Variants in OR52N2 observed in about 807,000 individuals in gnomAD.
The protein encoded by OR52N2 is olfactory receptor family 52 subfamily N member 2, also known as olfactory receptor 52N2.
For synonymous variants in OR52N2, 129 were observed against 72.0 expected (o/e 1.79, Z -4.01); for missense variants, 326 against 196.6 (o/e 1.66, Z -3.94).
At chr11:5,811,446 T>C (rs1452847162) in intron 1 of OR52N2, among the ~76,000 whole-genome samples, 2 of 150,752 alleles carry the variant, frequency 1.3e-5, no homozygotes, top group African/African-American at 4.9e-5. Context: ...TCAGGGAGAG[T>C]TGAGTAGAAG....
At chr11:5,820,255 C>A (rs1248858999) in intron 1 of OR52N2, 27 bp from the exon 2 acceptor site, 1 of 724,564 alleles carries the variant, frequency 1.4e-6, no homozygotes, top group Non-Finnish European at 2.5e-6. Flanking sequence ...CTTATCTCGT[C>A]TCTAACTCTC....
chr11:5,818,672 T>C (rs1846423268), intron 1 of OR52N2, among the ~76,000 whole-genome samples: 1 of 152,162 alleles, frequency 6.6e-6, no homozygotes, highest in Admixed American at 6.5e-5. Context: ...TGTTTTTTAC[T>C]TTCTCTTTCA....
At chr11:5,815,638 T>C (rs931902626) in intron 1 of OR52N2, among the ~76,000 whole-genome samples, 2 of 150,028 alleles carry the variant, frequency 1.3e-5, no homozygotes, top group African/African-American at 5.1e-5. Flanking sequence ...AAATGTAAAA[T>C]GCTACAGCTG....
chr11:5,814,884 A>G (rs1263618979), intron 1 of OR52N2, among the ~76,000 whole-genome samples: 1 of 152,200 alleles, frequency 6.6e-6, no homozygotes, highest in Non-Finnish European at 1.5e-5. Context: ...CTGCAGACCA[A>G]TGAAGTAGAA....
rs140716674 is a variant in OR52N2, at chr11:5,821,220, T to C, written c.885T>C (p.Tyr295=). Residue 295 remains tyrosine, a synonymous_variant, in exon 2 of 2, where the codon TAT becomes TAC. Transcript: ENST00000317037. ...CTCCTACCATGAACCCAATTGTTTA[T>C]GGAGTCAAGACCAAGCAGATTCAGG... ...LLPPTMNPIV[Y]GVKTKQIQEG... 10 of 781,032 alleles carry C rather than the reference T, an allele frequency of 1.3e-5. No homozygotes were observed. The highest frequency in any genetic ancestry group is 1.2e-4 in the African/African-American group (7 of 59,252). The allele number at this position is 781,032 out of a possible 1,614,324, so 48.4% of individuals were successfully genotyped here.
rs1232679968 is a variant in OR52N2, at chr11:5,815,625, C to T, written c.-54-4657C>T. ...AAATTGGACACTTGTGCCCTTTTGG[C>T]AAAAATGTAAAATGCTACAGCTGCG... On this transcript the variant is annotated intron_variant, in intron 1 of 1. Coordinates refer to ENST00000317037, the MANE Select transcript of OR52N2 (RefSeq NM_001005174.3). 2.0e-5 allele frequency among the ~76,000 whole-genome samples: 3 copies of T among 152,066 alleles called. No homozygotes were observed. In the South Asian group the frequency reaches 6.2e-4, roughly 32 times the overall value.
At chr11:5,820,109 A>T (rs996214821) in intron 1 of OR52N2, among the ~76,000 whole-genome samples, 173 bp from the exon 2 acceptor site, 1 of 152,222 alleles carries the variant, frequency 6.6e-6, no homozygotes, top group African/African-American at 2.4e-5. Context: ...AGTAGTGGTA[A>T]GACTGTACTG....
At chr11:5,819,022 T>A (rs1642825044) in intron 1 of OR52N2, among the ~76,000 whole-genome samples, 1 of 152,178 alleles carries the variant, frequency 6.6e-6, no homozygotes, top group South Asian at 2.1e-4. Context: ...CCAGTGGACA[T>A]GACAACTGCA....
intron 1 of OR52N2, among the ~76,000 whole-genome samples, chr11:5,809,996 T>G (rs1057399705): frequency 6.6e-6 from 1 of 152,240 alleles, no homozygotes; most frequent in Non-Finnish European, 1.5e-5. Flanking sequence ...TATTCTACAC[T>G]TATTACTTCA....
In OR52N2 at chr11:5,821,091, C is replaced by A. The variant is rs760987749; in HGVS notation, c.756C>A (p.Ile252=). ...CATCTCACATGTGTTCCATTGTGAT[C>A]ACCTATGTTGCTGCTTTTTTCACTT... ...TCTSHMCSIV[I]TYVAAFFTFF... The change falls in exon 2 of 2, where the codon ATC becomes ATA. Residue 252 remains isoleucine (I), a synonymous_variant. Coordinates refer to ENST00000317037, the MANE Select transcript of OR52N2 (RefSeq NM_001005174.3). The A allele has an allele frequency of 2.2e-5, 17 of 780,870 alleles. No homozygotes were observed. The East Asian group carries it at 4.1e-4, about 19-fold the overall frequency. The allele number at this position is 780,870 out of a possible 1,614,324, so 48.4% of individuals were successfully genotyped here. A position where few individuals can be genotyped will look rare whatever the true frequency, so the allele number is the denominator to read the frequency against.
At chr11:5,818,989 T>C (rs556660962) in intron 1 of OR52N2, among the ~76,000 whole-genome samples, 109 of 152,308 alleles carry the variant, frequency 7.2e-4, no homozygotes, top group African/African-American at 2.5e-3. Context: ...CCCTCCATCA[T>C]TGGAAATTTC....
chr11:5,817,262 G>A (rs1259062025), intron 1 of OR52N2, among the ~76,000 whole-genome samples: 2 of 152,042 alleles, frequency 1.3e-5, no homozygotes, highest in South Asian at 2.1e-4. Context: ...AAGAGTTTAA[G>A]TATAGAAAAA....
chr11:5,813,335 A>G (rs1012139330), intron 1 of OR52N2, among the ~76,000 whole-genome samples: 7 of 152,122 alleles, frequency 4.6e-5, no homozygotes, highest in African/African-American at 1.7e-4. Context: ...ATAAGAGACT[A>G]CTACAAACAA....
intron 1 of OR52N2, among the ~76,000 whole-genome samples, chr11:5,811,993 T>G (rs893082939): frequency 6.6e-6 from 1 of 152,144 alleles, no homozygotes. Flanking sequence ...AAACACTGCA[T>G]GTTCTCACTC....
At chr11:5,813,727 G>A in intron 1 of OR52N2, among the ~76,000 whole-genome samples, 1 of 151,990 alleles carries the variant, frequency 6.6e-6, no homozygotes, top group African/African-American at 2.4e-5. Context: ...CAACAAAAAA[G>A]AAAACAATAG....
Position 5,814,642 on chromosome 11 carries a change from T to A in OR52N2, c.-55+5588T>A, listed in dbSNP as rs146887993. Among the ~76,000 whole-genome samples the A allele has an allele frequency of 1.8e-3, 281 of 152,264 alleles. 1 individual carries two copies. Among genetic ancestry groups the A allele is most frequent in the Non-Finnish European group, 3.0e-3 (202 of 67,994 alleles). On this transcript the variant is annotated intron_variant, in intron 1 of 1. Transcript: ENST00000317037. ...GACGATAGTATTGTTAGGATGTCAG[T>A]ACAACCCAAAGTAATCTACAGATTT...
At chr11:5,811,029 G>T (rs1365605523) in intron 1 of OR52N2, among the ~76,000 whole-genome samples, 1 of 151,318 alleles carries the variant, frequency 6.6e-6, no homozygotes, top group East Asian at 1.9e-4. Context: ...ATTGGCAAAA[G>T]TGGCTAAACA....
chr11:5,811,042 A>G (rs750514097), intron 1 of OR52N2, among the ~76,000 whole-genome samples: 22 of 151,110 alleles, frequency 1.5e-4, no homozygotes, highest in Non-Finnish European at 2.7e-4. Context: ...GCTAAACACA[A>G]AATATATTAA....
chr11:5,812,494 CAA>C (rs57515736), intron 1 of OR52N2, among the ~76,000 whole-genome samples: 13,188 of 103,876 alleles, frequency 0.13, 670 homozygotes, highest in East Asian at 0.26. Context: ...GACTCCATCT[CAA>C]AAAAAAAAAA....
Sources: allele counts gnomAD v4.1 joint callset (sites outside exome capture counted in the v4.1 genomes callset), GRCh38; gene constraint gnomAD v4.1.1; transcripts MANE v1.5; gene names NCBI Gene and HGNC (gene_info 2026-07-23, HGNC 2026-07-21).